GYG2: variants seen among roughly 807,000 people sequenced by gnomAD.
GYG2 encodes glycogenin-2.
A neutral mutation model predicts 29.4 loss-of-function variants in GYG2; 29 were observed. The observed-to-expected ratio is 0.99, with a 90% CI of 0.74 to 1.35. The LOEUF (loss-of-function observed/expected upper bound fraction) is 1.35, where lower values mean the gene tolerates loss of function less well. Among genes scored for constraint, GYG2 ranks in the 40% most tolerant of loss-of-function variants. The probability of loss-of-function intolerance (pLI) is 0.00; values close to 1 mark genes in which losing one functional copy is unlikely to be tolerated. For synonymous variants in GYG2, 167 were observed against 172.3 expected (o/e 0.97, Z 0.24); for missense variants, 370 against 385.7 (o/e 0.96, Z 0.34).
intron 3 of GYG2, among the ~76,000 whole-genome samples, chrX:2,850,914 G>A (rs1325858864): frequency 3.6e-5 from 4 of 111,286 alleles, no homozygotes; most frequent in Non-Finnish European, 1.9e-5. Flanking sequence ...CTGTTTGGTG[G>A]TCTCTTCACA....
chrX:2,846,378 A>T (rs1269194138), intron 3 of GYG2, among the ~76,000 whole-genome samples: 1 of 109,011 alleles, frequency 9.2e-6, no homozygotes, highest in Non-Finnish European at 1.9e-5. Flanking sequence ...CCCAGCCCCA[A>T]ATATTTTTAA....
At chrX:2,833,569 C>T (rs940303894) in intron 2 of GYG2, among the ~76,000 whole-genome samples, 1 of 111,790 alleles carries the variant, frequency 8.9e-6, no homozygotes, top group Non-Finnish European at 1.9e-5. Flanking sequence ...AAAAAACCAG[C>T]GCACATCGTT....
At chrX:2,845,837 A>G (rs1158659521) in intron 3 of GYG2, among the ~76,000 whole-genome samples, 1 of 102,187 alleles carries the variant, frequency 9.8e-6, no homozygotes, top group Non-Finnish European at 2.0e-5. Context: ...ATATACATAT[A>G]AAATATATAT....
intron 3 of GYG2, among the ~76,000 whole-genome samples, chrX:2,843,844 G>A (rs1242235807): frequency 1.8e-5 from 2 of 111,350 alleles, no homozygotes; most frequent in African/African-American, 3.3e-5. Context: ...GTTTCGCCAC[G>A]TTGCCTAGGC....
chrX:2,837,608 C>T (rs1243385246), intron 2 of GYG2, among the ~76,000 whole-genome samples: 9 of 110,543 alleles, frequency 8.1e-5, no homozygotes, highest in Non-Finnish European at 5.7e-5. Flanking sequence ...AGGATGCACT[C>T]CTTTTCCTTT....
chrX:2,833,761 G>C (rs1250526071), intron 2 of GYG2, among the ~76,000 whole-genome samples: 9 of 112,304 alleles, frequency 8.0e-5, no homozygotes, highest in African/African-American at 2.9e-4. Context: ...TGATTGCTTT[G>C]CCATTTCTCT....
At chrX:2,858,876 A>G (rs1228168642) in intron 6 of GYG2, among the ~76,000 whole-genome samples, 1 of 111,704 alleles carries the variant, frequency 9.0e-6, no homozygotes, top group Admixed American at 9.6e-5. Flanking sequence ...ATCCTGTAAA[A>G]GAGAAAAAAA....
rs1305821671 is a variant in GYG2 at position 2,881,131 on chromosome X, A to C, written c.1331A>C (p.Lys444Thr). Reference protein sequence around the residue: ...KELSPEEERRKWEEGRIDYMG... With the variant: ...KELSPEEERRTWEEGRIDYMG... ...TTGAGCCCCGAGGAAGAGAGGAGGA[A>C]GTGGGAGGAAGGCCGTATCGACTAC... is the stretch of plus-strand genomic sequence containing the variant. Residue 444 changes from lysine (K) to threonine (T), a missense_variant, in exon 11 of 11, where the codon AAG becomes ACG. Physicochemically the swap from Lys to Thr is moderately conservative, Grantham distance 78. Transcript: ENST00000398806. 1 of 1,206,751 alleles carries C rather than the reference A, an allele frequency of 8.3e-7. No individual in the cohort carries two copies. Among genetic ancestry groups the C allele is most frequent in the Non-Finnish European group, 1.1e-6 (1 of 892,122 alleles).
At position 2,852,569 on chromosome X, in the gene GYG2, C is replaced by A. The variant is rs183816654; in HGVS notation, c.150-1411C>A. On this transcript the variant is annotated intron_variant, in intron 3 of 10. Transcript: ENST00000398806. ...GAGTCTCAAACTTGTATGCAACTAA[C>A]AATGTAAGCTTTGAATACAGAAAGT... 3.4e-3 allele frequency among the ~76,000 whole-genome samples: 385 copies of A among 111,875 alleles called. 2 individuals carry two copies. Among genetic ancestry groups the A allele is most frequent in the African/African-American group, 0.011 (343 of 30,853 alleles).
At chrX:2,864,966 C>G (rs2088264629) in intron 8 of GYG2, among the ~76,000 whole-genome samples, 1 of 110,863 alleles carries the variant, frequency 9.0e-6, no homozygotes, top group South Asian at 3.8e-4. Context: ...ACCATGTTGG[C>G]CAGGCTGTTC....
At chrX:2,853,864 G>T (rs781323440) in intron 3 of GYG2, 116 bp from the exon 4 acceptor site, 2 of 517,445 alleles carry the variant, frequency 3.9e-6, no homozygotes, top group Non-Finnish European at 6.8e-6. Flanking sequence ...GGGCTGTGGG[G>T]ATTCTCTTTG....
rs755610490 is a variant in GYG2 at position 2,854,145 on chromosome X, A to G, written c.315A>G (p.Ala105=). The G allele has an allele frequency of 8.5e-7, 1 of 1,181,347 alleles. No homozygotes were observed. Among genetic ancestry groups the G allele is most frequent in the Non-Finnish European group, 1.1e-6 (1 of 873,840 alleles). The change falls in exon 4 of 11, where the codon GCA becomes GCG. Residue 105 remains alanine, a synonymous_variant. Transcript: ENST00000398806. ...THYSKCVFLD[A]DTLVLSNVDE... is the part of the protein sequence containing the mutation. The stretch of plus-strand genomic sequence containing the variant: ...ACAGCAAGTGTGTCTTCCTGGATGC[A>G]GACACTCTGGTGAGTGAAGACTCTC...
chrX:2,873,045 G>A (rs928181892), intron 8 of GYG2, among the ~76,000 whole-genome samples: 11 of 111,915 alleles, frequency 9.8e-5, no homozygotes, highest in South Asian at 3.8e-4. Context: ...GCTAGTTCTC[G>A]TATGTTGGGC....
At chrX:2,843,643 T>A (rs2087556061) in intron 3 of GYG2, among the ~76,000 whole-genome samples, 1 of 112,268 alleles carries the variant, frequency 8.9e-6, no homozygotes, top group Non-Finnish European at 1.9e-5. Flanking sequence ...GTTTGTTTGT[T>A]TTTTGAGACA....
chrX:2,870,285 T>C (rs2088433985), intron 8 of GYG2, among the ~76,000 whole-genome samples: 1 of 110,958 alleles, frequency 9.0e-6, no homozygotes, highest in African/African-American at 3.3e-5. Context: ...CACTGAAGCC[T>C]CCGCCTCCTG....
Position 2,875,926 on chromosome X carries a change from C to T in GYG2, c.1143+12C>T, listed in dbSNP as rs2088582755. 4.3e-6 allele frequency: 4 copies of T among 936,238 alleles called. No individual in the cohort carries two copies. Among genetic ancestry groups the T allele is most frequent in the Admixed American group, 2.3e-5 (1 of 44,119 alleles). 77.2% of individuals were successfully genotyped at this position (936,238 alleles called of 1,213,427 possible). A position where few individuals can be genotyped will look rare whatever the true frequency, so the allele number is the denominator to read the frequency against. ...CTGAAACCATCTTGGTATTCCTCAT[C>T]TATATGACCTACACATGGCCAGCTC... is the stretch of plus-strand genomic sequence containing the variant. On this transcript the variant is annotated intron_variant, in intron 9 of 10. Coordinates refer to ENST00000398806, the MANE Select transcript of GYG2 (RefSeq NM_001079855.2).
rs987501868 is a variant in GYG2 at position 2,863,075 on chromosome X, G to T, written c.1038+1353G>T. 1.1e-4 allele frequency among the ~76,000 whole-genome samples: 8 copies of T among 74,407 alleles called. No individual in the cohort carries two copies. The Admixed American group carries it at 1.2e-3, about 11-fold the overall frequency. The allele number at this position is 74,407 out of a possible 115,157, so 64.6% of individuals were successfully genotyped here. The stretch of plus-strand genomic sequence containing the variant: ...ACACTGTCTCAAAGAAAAAAAAAAA[G>T]AAATCTTTTTTTTTTTTGAGGCGGA... On this transcript the variant is annotated intron_variant, in intron 8 of 10. Coordinates refer to ENST00000398806, the MANE Select transcript of GYG2 (RefSeq NM_001079855.2).
chrX:2,859,974 T>A lies in GYG2; in HGVS notation c.746T>A (p.Leu249His). 5.0e-6 allele frequency: 6 copies of A among 1,206,349 alleles called. No homozygotes were observed. The highest frequency in any genetic ancestry group is 5.6e-6 in the Non-Finnish European group (5 of 891,680). ...ASSSQHQAAF[L>H]HLWWTVYQNN... Reference sequence around the variant, plus strand: ...AGCAGCCAGCACCAGGCGGCATTCCTTCATCTCTGGTGGACGGTCTACCAG... The same window carrying A: ...AGCAGCCAGCACCAGGCGGCATTCCATCATCTCTGGTGGACGGTCTACCAG... Residue 249 changes from leucine to histidine, a missense_variant, in exon 7 of 11, where the codon CTT becomes CAT. Physicochemically the swap from Leu to His is moderately conservative, Grantham distance 99. Transcript: ENST00000398806.
intron 8 of GYG2, among the ~76,000 whole-genome samples, chrX:2,869,622 G>A (rs1029034718): frequency 4.5e-5 from 5 of 112,124 alleles, no homozygotes; most frequent in Non-Finnish European, 9.4e-5. Flanking sequence ...TATAATGATG[G>A]CAAGGTTGAC....
Sources: allele counts gnomAD v4.1 joint callset (sites outside exome capture counted in the v4.1 genomes callset), GRCh38; gene constraint gnomAD v4.1.1; transcripts MANE v1.5; gene names NCBI Gene and HGNC (gene_info 2026-07-23, HGNC 2026-07-21).